Variants in TTC29 observed in about 807,000 individuals in gnomAD.
TTC29 encodes the protein tetratricopeptide repeat protein 29.
In TTC29, 49 loss-of-function variants were observed where a neutral mutation model predicts 58.1. The observed-to-expected ratio is 0.84, with a 90% CI of 0.67 to 1.07. The LOEUF (loss-of-function observed/expected upper bound fraction) is 1.07, where lower values mean the gene tolerates loss of function less well. Ranked by LOEUF, TTC29 falls within the 50% of genes least tolerant of loss-of-function variation. The pLI is 0.00. For synonymous variants in TTC29, 209 were observed against 196.8 expected, an observed-to-expected ratio of 1.06 and a Z score of -0.52; for missense variants, 582 against 555.6, an observed-to-expected ratio of 1.05 and a Z score of -0.48.
chr4:146,831,391 G>A (rs6836696), intron 9 of TTC29, among the ~76,000 whole-genome samples: 1 of 152,218 alleles, frequency 6.6e-6, no homozygotes, highest in South Asian at 2.1e-4. Flanking sequence ...GAGCCATTGT[G>A]CCTGGCCAGG....
At chr4:146,807,307 C>T in intron 10 of TTC29, among the ~76,000 whole-genome samples, 1 of 152,030 alleles carries the variant, frequency 6.6e-6, no homozygotes, top group Non-Finnish European at 1.5e-5. Context: ...AAAATCGACA[C>T]CCTAACATCA....
chr4:146,913,354 C>T (rs745753860), intron 4 of TTC29, among the ~76,000 whole-genome samples: 39 of 152,248 alleles, frequency 2.6e-4, no homozygotes, highest in Non-Finnish European at 4.9e-4. Flanking sequence ...CACTCTGGGC[C>T]TCATTTTCCC....
intron 4 of TTC29, among the ~76,000 whole-genome samples, chr4:146,918,012 A>G (rs1220295425): frequency 2.7e-5 from 4 of 150,768 alleles, no homozygotes; most frequent in Non-Finnish European, 6.0e-5. Context: ...TAACAATTTT[A>G]AATACATAAA....
At chr4:146,732,763 A>T (rs1744434791) in intron 11 of TTC29, among the ~76,000 whole-genome samples, 1 of 152,210 alleles carries the variant, frequency 6.6e-6, no homozygotes, top group Non-Finnish European at 1.5e-5. Context: ...AGCTTCAAGG[A>T]ATGAATAAGG....
intron 11 of TTC29, among the ~76,000 whole-genome samples, chr4:146,769,804 ACT>A (rs1287258748): frequency 6.6e-6 from 1 of 152,026 alleles, no homozygotes; most frequent in Non-Finnish European, 1.5e-5. Flanking sequence ...AGTTGCTTTC[ACT>A]GTTTCTAAAT....
intron 8 of TTC29, among the ~76,000 whole-genome samples, chr4:146,858,722 A>T (rs796707603): frequency 2.6e-5 from 4 of 152,284 alleles, no homozygotes; most frequent in African/African-American, 9.6e-5. Context: ...CTTAACTCTC[A>T]CAAGGCTGTC....
In TTC29 at chr4:146,861,781, T is replaced by G. The variant is rs868793614; in HGVS notation, c.885+5717A>C. On this transcript the variant is annotated intron_variant, in intron 8 of 12. Coordinates refer to ENST00000325106, the MANE Select transcript of TTC29 (RefSeq NM_031956.4). ...TTCACTTGTGTTTATCCAAGTTTCT[T>G]TGAAAAAAAAAAGTAAAAATATTTA... is the stretch of plus-strand genomic sequence containing the variant. Among the ~76,000 whole-genome samples the G allele has an allele frequency of 1.3e-3, 205 of 152,080 alleles. 1 individual carries two copies. Among genetic ancestry groups the G allele is most frequent in the African/African-American group, 4.7e-3 (195 of 41,486 alleles).
At chr4:146,920,912 T>C (rs952394637) in intron 4 of TTC29, among the ~76,000 whole-genome samples, 3 of 151,288 alleles carry the variant, frequency 2.0e-5, no homozygotes, top group African/African-American at 7.2e-5. Context: ...TCATTTCTTC[T>C]TTGGGTTTTT....
At chr4:146,834,422 C>T (rs17656063) in intron 8 of TTC29, among the ~76,000 whole-genome samples, 9,466 of 152,194 alleles carry the variant, frequency 0.062, 398 homozygotes, top group Admixed American at 0.13. Flanking sequence ...AAATGTATTT[C>T]ATTACCAACA....
intron 9 of TTC29, among the ~76,000 whole-genome samples, chr4:146,832,641 T>TTGTGTG (rs201136243): frequency 4.0e-5 from 6 of 149,188 alleles, no homozygotes; most frequent in South Asian, 2.1e-4. Context: ...CCAACTAATT[T>TTGTGTG]TGTGTGTGTG....
At chr4:146,941,860 G>A (rs993661235) in intron 2 of TTC29, among the ~76,000 whole-genome samples, 3 of 152,194 alleles carry the variant, frequency 2.0e-5, no homozygotes, top group African/African-American at 7.2e-5. Context: ...AAAACCTCCT[G>A]TGAAATACAG....
chr4:146,737,591 G>T (rs1223427419), intron 11 of TTC29, among the ~76,000 whole-genome samples: 1 of 8,820 alleles, frequency 1.1e-4, no homozygotes, highest in African/African-American at 2.9e-4. Flanking sequence ...TAGTAGCCCT[G>T]GGGGGGGGGG....
chr4:146,848,046 A>G (rs978333373), intron 8 of TTC29, among the ~76,000 whole-genome samples: 3 of 152,218 alleles, frequency 2.0e-5, no homozygotes, highest in South Asian at 2.1e-4. Context: ...AACTTTAACA[A>G]TATTTTCAGA....
intron 7 of TTC29, among the ~76,000 whole-genome samples, chr4:146,872,183 T>C (rs1462335041): frequency 2.0e-5 from 3 of 151,938 alleles, no homozygotes; most frequent in East Asian, 3.9e-4. Flanking sequence ...ACTAGTACAA[T>C]TGGATATCCA....
intron 4 of TTC29, among the ~76,000 whole-genome samples, chr4:146,912,861 A>G (rs1733984680): frequency 6.6e-6 from 1 of 152,112 alleles, no homozygotes; most frequent in Non-Finnish European, 1.5e-5. Context: ...TAAGGAGACA[A>G]AAATATGGGT....
At chr4:146,801,105 G>A (rs1750186449) in intron 11 of TTC29, among the ~76,000 whole-genome samples, 1 of 152,188 alleles carries the variant, frequency 6.6e-6, no homozygotes, top group East Asian at 1.9e-4. Context: ...GCAGAGGACA[G>A]GGGAGGGAAG....
chr4:146,713,413 ACT>A (rs1279221263), intron 11 of TTC29, among the ~76,000 whole-genome samples: 1 of 151,922 alleles, frequency 6.6e-6, no homozygotes, highest in Non-Finnish European at 1.5e-5. Context: ...AGTTAATCTC[ACT>A]CTATCAAAAA....
chr4:146,832,504 A>T (rs1728231179), intron 9 of TTC29, among the ~76,000 whole-genome samples: 1 of 152,160 alleles, frequency 6.6e-6, no homozygotes, highest in Non-Finnish European at 1.5e-5. Flanking sequence ...TTTTTGAGAC[A>T]GTTTCGCTCT....
intron 11 of TTC29, among the ~76,000 whole-genome samples, chr4:146,720,628 A>G (rs956239741): frequency 2.6e-5 from 4 of 152,162 alleles, no homozygotes; most frequent in Admixed American, 2.6e-4. Flanking sequence ...TAAAAATAAT[A>G]TTCAAAGACT....
Sources: allele counts gnomAD v4.1 joint callset (sites outside exome capture counted in the v4.1 genomes callset), GRCh38; gene constraint gnomAD v4.1.1; transcripts MANE v1.5; gene names NCBI Gene and HGNC (gene_info 2026-07-23, HGNC 2026-07-21).